IPO11: variants seen among roughly 807,000 people sequenced by gnomAD.
IPO11 encodes importin-11.
A neutral mutation model predicts 143.2 loss-of-function variants in IPO11; 66 were observed. That is an observed-to-expected ratio of 0.46 (90% CI 0.38 to 0.57). The LOEUF is 0.57. Among genes scored for constraint, IPO11 ranks in the 20% least tolerant of loss-of-function variants. IPO11 has a pLI of 0.00. For synonymous variants in IPO11, 385 were observed against 377.8 expected (o/e 1.02, Z -0.22); for missense variants, 1,026 against 1,141.0 (o/e 0.90, Z 1.45).
chr5:62,448,783 T>C (rs1296903217), intron 3 of IPO11, among the ~76,000 whole-genome samples: 3 of 152,180 alleles, frequency 2.0e-5, no homozygotes, highest in Non-Finnish European at 4.4e-5. Context: ...TATCTTGAAC[T>C]CCTGGCCCCA....
chr5:62,462,141 A>C (rs975534344), intron 5 of IPO11, among the ~76,000 whole-genome samples: 1 of 152,222 alleles, frequency 6.6e-6, no homozygotes, highest in Admixed American at 6.5e-5. Flanking sequence ...CAAAATTGAA[A>C]GTTGCTTAAG....
intron 18 of IPO11, among the ~76,000 whole-genome samples, chr5:62,505,298 G>A (rs951587591): frequency 6.6e-6 from 1 of 151,860 alleles, no homozygotes; most frequent in Non-Finnish European, 1.5e-5. Flanking sequence ...ATTACTTGAC[G>A]AGCAGAATAC....
Position 62,524,523 on chromosome 5 carries a change from T to C in IPO11, c.1897-1619T>C, listed in dbSNP as rs187261566. Among the ~76,000 whole-genome samples the C allele has an allele frequency of 2.4e-4, 37 of 152,222 alleles. 1 individual carries two copies. In the East Asian group the frequency reaches 4.0e-3, roughly 17 times the overall value. ...CTTTCTTTTTTGTTTCATGAAAGATTGAGCTATGGAGAGTGAAATTGAAGT... is the reference window on the plus strand; with the variant it reads ...CTTTCTTTTTTGTTTCATGAAAGATCGAGCTATGGAGAGTGAAATTGAAGT... On this transcript the variant is annotated intron_variant, in intron 20 of 29. Transcript: ENST00000325324.
At chr5:62,415,856 T>G (rs1006614118) in intron 1 of IPO11, among the ~76,000 whole-genome samples, 2 of 152,238 alleles carry the variant, frequency 1.3e-5, no homozygotes, top group Non-Finnish European at 2.9e-5. Flanking sequence ...CTTTCTGTTC[T>G]GTTTCACCTG....
At chr5:62,581,700 T>C (rs1276853372) in intron 27 of IPO11, among the ~76,000 whole-genome samples, 1 of 152,156 alleles carries the variant, frequency 6.6e-6, no homozygotes, top group Non-Finnish European at 1.5e-5. Context: ...TGCTTTCAGT[T>C]TTATACTATA....
rs1746644644 is a variant in IPO11 at position 62,628,018 on chromosome 5, A to G, written c.*700A>G. The G allele has an allele frequency of 6.6e-6, 1 of 151,732 alleles. No homozygotes were observed. Among genetic ancestry groups the G allele is most frequent in the Non-Finnish European group, 1.5e-5 (1 of 67,946 alleles). 9.4% of individuals were successfully genotyped at this position (151,732 alleles called of 1,614,324 possible). ...AGGGCCACAAAAGTGAACGTGTGGT[A>G]CTGTAGTACCACGTGGGAGACCTCT... On this transcript the variant is annotated 3_prime_UTR_variant, in exon 30 of 30. Transcript: ENST00000325324.
At chr5:62,562,484 A>G (rs1379939829) in intron 27 of IPO11, among the ~76,000 whole-genome samples, 2 of 152,172 alleles carry the variant, frequency 1.3e-5, no homozygotes, top group African/African-American at 4.8e-5. Context: ...TGCAACCTAC[A>G]TCCCTTGCAT....
intron 27 of IPO11, chr5:62,580,251 G>A (rs1744498568): frequency 1.9e-6 from 3 of 1,546,574 alleles, no homozygotes; most frequent in East Asian, 2.4e-5. Flanking sequence ...CTAGGGATGG[G>A]TTTAGTGGAA....
rs183756807 is a variant in IPO11 at position 62,531,732 on chromosome 5, A to T, written c.2089+947A>T. 3.7e-4 allele frequency among the ~76,000 whole-genome samples: 57 copies of T among 152,304 alleles called. 1 individual carries two copies. The South Asian group carries it at 6.2e-3, about 17-fold the overall frequency. On this transcript the variant is annotated intron_variant, in intron 22 of 29. Transcript: ENST00000325324. The stretch of plus-strand genomic sequence containing the variant: ...GATTAAAAAATCATTTTCTCGCCTT[A>T]TTTGTTGGATGACCATGGTGGTTAG...
At chr5:62,513,670 G>A (rs1305096917) in intron 19 of IPO11, among the ~76,000 whole-genome samples, 6 of 145,572 alleles carry the variant, frequency 4.1e-5, no homozygotes, top group Admixed American at 1.3e-4. Flanking sequence ...CGGACAGGGC[G>A]GTTGGCCGGG....
In IPO11 at chr5:62,540,664, G is replaced by A. The variant is rs1310085009; in HGVS notation, c.2250+3375G>A. Among the ~76,000 whole-genome samples the A allele has an allele frequency of 2.0e-5, 3 of 152,208 alleles. No individual in the cohort carries two copies. The East Asian group carries it at 5.8e-4, about 29-fold the overall frequency. On this transcript the variant is annotated intron_variant, in intron 24 of 29. Coordinates refer to ENST00000325324, the MANE Select transcript of IPO11 (RefSeq NM_016338.5). ...CTGCTACTTCACAGCTATGTGATGT[G>A]GACAGATTAGTCTTTGTTCCTCATT...
chr5:62,607,500 T>G (rs1375784360), intron 29 of IPO11, among the ~76,000 whole-genome samples: 1 of 152,186 alleles, frequency 6.6e-6, no homozygotes, highest in Non-Finnish European at 1.5e-5. Context: ...GTATTGGTAC[T>G]GATAAGGTAC....
chr5:62,568,364 C>T (rs1312947576), intron 27 of IPO11, among the ~76,000 whole-genome samples: 1 of 151,048 alleles, frequency 6.6e-6, no homozygotes, highest in African/African-American at 2.4e-5. Context: ...TTCAGTTTGT[C>T]CATTGTAGTT....
chr5:62,588,838 C>G (rs547643643), intron 27 of IPO11, among the ~76,000 whole-genome samples: 1 of 152,246 alleles, frequency 6.6e-6, no homozygotes, highest in East Asian at 1.9e-4. Context: ...TGCAGTTGGA[C>G]CTCACTGCCA....
At chr5:62,466,535 G>C (rs1363822166) in intron 5 of IPO11, among the ~76,000 whole-genome samples, 1 of 152,132 alleles carries the variant, frequency 6.6e-6, no homozygotes, top group Non-Finnish European at 1.5e-5. Context: ...GGAAAAAATT[G>C]AAGATGTCAC....
chr5:62,563,363 A>G (rs1743835992), intron 27 of IPO11, among the ~76,000 whole-genome samples: 1 of 152,230 alleles, frequency 6.6e-6, no homozygotes, highest in Admixed American at 6.5e-5. Context: ...TACTGAGATT[A>G]TTGAAAGAAA....
Position 62,481,165 on chromosome 5 carries a change from G to A in IPO11, c.829-1936G>A, listed in dbSNP as rs181090231. 1.4e-3 allele frequency among the ~76,000 whole-genome samples: 212 copies of A among 151,980 alleles called. 1 individual carries two copies. The highest frequency in any genetic ancestry group is 4.3e-3 in the African/African-American group (177 of 41,460). On this transcript the variant is annotated intron_variant, in intron 9 of 29. Coordinates refer to ENST00000325324, the MANE Select transcript of IPO11 (RefSeq NM_016338.5). ...GATCTCCTGATCTTGTGATCCACCC[G>A]CCTTGGCCTCCCAAAGTGCTGGGAT...
chr5:62,474,505 TATTC>T (rs777245828), intron 8 of IPO11, 41 bp downstream of exon 8: 102 of 1,349,168 alleles, frequency 7.6e-5, no homozygotes, highest in Non-Finnish European at 1.0e-4. Flanking sequence ...GTAGAATTTT[TATTC>T]ATTAGTAGCT....
chr5:62,437,395 C>A lies in IPO11; in HGVS notation c.116C>A (p.Pro39Gln). 32 of 1,610,100 alleles carry A rather than the reference C, an allele frequency of 2.0e-5. No individual in the cohort carries two copies. The highest frequency in any genetic ancestry group is 2.6e-5 in the Non-Finnish European group (31 of 1,177,996). ...CAGTTGAAGCAGTGGGAGACACAGC[C>A]AGGTTTCTATTCAGTGTTGCTGGTA... is the stretch of plus-strand genomic sequence containing the variant. Reference protein sequence around the residue: ...EEQLKQWETQPGFYSVLLNIF... With the variant: ...EEQLKQWETQQGFYSVLLNIF... Residue 39 changes from proline to glutamine, a missense_variant, in exon 2 of 30, where the codon CCA (proline) becomes CAA (glutamine). This residue lies in a region of IPO11 where 429 missense variants were observed against 456.3 expected (regional missense o/e 0.94). Coordinates refer to ENST00000325324, the MANE Select transcript of IPO11 (RefSeq NM_016338.5).
Sources: gnomAD v4.1 joint callset for allele counts (sites outside exome capture counted in the v4.1 genomes callset) on GRCh38, gnomAD v4.1.1 for gene constraint, gnomAD v4.1.1 regional missense constraint, MANE v1.5 for transcripts, NCBI Gene and HGNC (gene_info 2026-07-23, HGNC 2026-07-21) for gene names.